The following IGSF21 variants were observed in gnomAD, a reference collection of about 807,000 sequenced individuals.
IGSF21 encodes the protein immunoglobulin superfamily member 21.
In IGSF21, 28 loss-of-function variants were observed where a neutral mutation model predicts 46.8. The observed-to-expected ratio is 0.60, with a 90% confidence interval of 0.44 to 0.82. The LOEUF is 0.82. Ranked by LOEUF, IGSF21 falls within the 40% of genes least tolerant of loss-of-function variation. The pLI is 0.00. For missense variants in IGSF21, 624 were observed against 665.5 expected (o/e 0.94, Z 0.69); for synonymous variants, 284 against 273.6 (o/e 1.04, Z -0.38).
At chr1:18,346,720 A>G (rs542121268) in intron 4 of IGSF21, among the ~76,000 whole-genome samples, 23 of 152,264 alleles carry the variant, frequency 1.5e-4, no homozygotes, top group African/African-American at 5.3e-4. Flanking sequence ...ATGGACCTCT[A>G]CAGGCCTCCT....
At chr1:18,288,494 C>T (rs1034045410) in intron 2 of IGSF21, among the ~76,000 whole-genome samples, 10 of 152,188 alleles carry the variant, frequency 6.6e-5, no homozygotes, top group South Asian at 2.1e-4. Context: ...CCTTCTCGGC[C>T]GTGAGGCTGC....
chr1:18,359,372 A>AGGC (rs2086063301), intron 4 of IGSF21, among the ~76,000 whole-genome samples: 13 of 111,548 alleles, frequency 1.2e-4, no homozygotes, highest in African/African-American at 4.4e-4. Flanking sequence ...GAAAGAAAGA[A>AGGC]AGAAAGAAAG....
chr1:18,225,465 C>T (rs1008057046), intron 1 of IGSF21, among the ~76,000 whole-genome samples: 2 of 152,118 alleles, frequency 1.3e-5, no homozygotes, highest in South Asian at 2.1e-4. Flanking sequence ...GGTGACCCTC[C>T]ATCCTGCCCT....
chr1:18,176,174 C>T (rs2086794393), intron 1 of IGSF21: 1 of 152,218 alleles, frequency 6.6e-6, no homozygotes, highest in South Asian at 2.1e-4. Flanking sequence ...GTCGGCTCTG[C>T]CTGCAGGGTG....
intron 2 of IGSF21, among the ~76,000 whole-genome samples, chr1:18,284,992 A>G (rs223193): frequency 0.3 from 46,351 of 152,064 alleles, 10,734 homozygotes; most frequent in African/African-American, 0.66. Context: ...GATAATGTAG[A>G]CAGGCAATTT....
intron 1 of IGSF21, among the ~76,000 whole-genome samples, chr1:18,131,794 T>C (rs967021769): frequency 2.6e-5 from 4 of 152,218 alleles, no homozygotes; most frequent in Non-Finnish European, 5.9e-5. Context: ...GGTAGAGGAC[T>C]GTCTTCTACT....
intron 3 of IGSF21, 132 bp downstream of exon 3, chr1:18,292,119 C>A: frequency 1.0e-6 from 1 of 968,404 alleles, no homozygotes; most frequent in Non-Finnish European, 1.5e-6. Flanking sequence ...GAACTGGGGG[C>A]TCCCCTTATG....
intron 2 of IGSF21, among the ~76,000 whole-genome samples, chr1:18,286,643 G>A (rs2085214311): frequency 6.6e-6 from 1 of 152,166 alleles, no homozygotes; most frequent in Admixed American, 6.5e-5. Flanking sequence ...GTCCCGCCTG[G>A]GCCAGGCTAC....
At chr1:18,167,272 T>C (rs2086688984) in intron 1 of IGSF21, among the ~76,000 whole-genome samples, 1 of 152,130 alleles carries the variant, frequency 6.6e-6, no homozygotes, top group African/African-American at 2.4e-5. Flanking sequence ...CAAGGGCCCA[T>C]GCTGGATAGA....
At chr1:18,362,253 G>C (rs138824617) in intron 5 of IGSF21, 23 bp downstream of exon 5, 23 of 1,539,014 alleles carry the variant, frequency 1.5e-5, no homozygotes, top group Non-Finnish European at 2.1e-5. Flanking sequence ...GGAGTGCCCA[G>C]CTCCTTCCTA....
chr1:18,329,260 A>G (rs1323720098), intron 3 of IGSF21, among the ~76,000 whole-genome samples: 1 of 152,218 alleles, frequency 6.6e-6, no homozygotes, highest in Non-Finnish European at 1.5e-5. Flanking sequence ...TGCTCAGTGC[A>G]GTGCCTCCTA....
At chr1:18,275,672 G>A (rs115042263) in intron 2 of IGSF21, among the ~76,000 whole-genome samples, 2 of 152,140 alleles carry the variant, frequency 1.3e-5, no homozygotes, top group Non-Finnish European at 1.5e-5. Context: ...CTAGGTGTCC[G>A]CTCAACCCCA....
chr1:18,171,475 G>A (rs1427780740), intron 1 of IGSF21, among the ~76,000 whole-genome samples: 1 of 152,154 alleles, frequency 6.6e-6, no homozygotes, highest in Non-Finnish European at 1.5e-5. Flanking sequence ...TCATGCTGAG[G>A]AAGGGGTGTA....
chr1:18,210,163 G>A (rs1433965545), intron 1 of IGSF21, among the ~76,000 whole-genome samples: 2 of 152,252 alleles, frequency 1.3e-5, no homozygotes, highest in East Asian at 3.9e-4. Context: ...ATTTAATGAA[G>A]TATTAATATG....
chr1:18,270,753 C>T (rs910304799), intron 2 of IGSF21, among the ~76,000 whole-genome samples: 2 of 152,138 alleles, frequency 1.3e-5, no homozygotes, highest in East Asian at 3.9e-4. Flanking sequence ...CTTCAGCCTC[C>T]TTCACATCAG....
At chr1:18,124,339 G>A (rs985726724) in intron 1 of IGSF21, among the ~76,000 whole-genome samples, 23 of 152,188 alleles carry the variant, frequency 1.5e-4, no homozygotes, top group African/African-American at 3.9e-4. Flanking sequence ...CTTTGCAACC[G>A]CTCAGGAGGT....
intron 7 of IGSF21, 124 bp from the exon 8 acceptor site, chr1:18,376,676 C>A: frequency 5.7e-6 from 5 of 881,358 alleles, no homozygotes; most frequent in Non-Finnish European, 8.8e-6. Flanking sequence ...GAGTTCAGGG[C>A]AGCCACTCCT....
chr1:18,269,637 A>G (rs531964396), intron 2 of IGSF21, among the ~76,000 whole-genome samples: 1 of 152,282 alleles, frequency 6.6e-6, no homozygotes, highest in African/African-American at 2.4e-5. Flanking sequence ...CCTCAAGACC[A>G]GTAAGTATAC....
chr1:18,309,289 A>T (rs2085457239), intron 3 of IGSF21, among the ~76,000 whole-genome samples: 1 of 152,110 alleles, frequency 6.6e-6, no homozygotes, highest in South Asian at 2.1e-4. Flanking sequence ...TGCTAATAAT[A>T]ACACACACTC....
Sources: gnomAD v4.1 joint callset for allele counts (sites outside exome capture counted in the v4.1 genomes callset) on GRCh38, gnomAD v4.1.1 for gene constraint, MANE v1.5 for transcripts, NCBI Gene and HGNC (gene_info 2026-07-23, HGNC 2026-07-21) for gene names.